The following SMAD6 variants were observed in gnomAD, a reference collection of about 807,000 sequenced individuals.
SMAD6 encodes SMAD family member 6, also known as MAD homolog 6.
SMAD6 carries 103 observed loss-of-function variants against 39.4 expected under a neutral mutation model. The ratio of observed to expected loss-of-function variants is 2.62; its 90% CI spans 2.23 to 3.08. The LOEUF is 3.08. Ranked by LOEUF, SMAD6 falls within the 30% of genes most tolerant of loss-of-function variation. The probability of loss-of-function intolerance (pLI) is 0.00; values close to 1 mark genes in which losing one functional copy is unlikely to be tolerated. For synonymous variants in SMAD6, 445 were observed against 353.3 expected (o/e 1.26, Z -2.91); for missense variants, 1,104 against 742.9 (o/e 1.49, Z -5.65).
At chr15:66,717,297 T>C (rs1361339765) in intron 3 of SMAD6, 2 of 474,188 alleles carry the variant, frequency 4.2e-6, no homozygotes, top group African/African-American at 4.0e-5. Flanking sequence ...TGGATGGCTG[T>C]GTGTCTCCAT....
intron 1 of SMAD6, chr15:66,706,927 A>G (rs1893125415): frequency 6.6e-6 from 1 of 152,210 alleles, no homozygotes; most frequent in Admixed American, 6.5e-5. Context: ...AATCTGCACA[A>G]TCTGAGGGCT....
intron 1 of SMAD6, among the ~76,000 whole-genome samples, chr15:66,709,111 T>C (rs1890959394): frequency 6.6e-6 from 1 of 152,228 alleles, no homozygotes; most frequent in African/African-American, 2.4e-5. Context: ...CTTCTGTCTT[T>C]GACACTCTAA....
At chr15:66,730,798 T>C (rs1893614154) in intron 3 of SMAD6, among the ~76,000 whole-genome samples, 1 of 152,210 alleles carries the variant, frequency 6.6e-6, no homozygotes, top group African/African-American at 2.4e-5. Context: ...ATGAAAAAAC[T>C]GAGGCTCAGA....
intron 3 of SMAD6, among the ~76,000 whole-genome samples, chr15:66,719,227 G>A (rs1893387341): frequency 6.6e-6 from 1 of 152,192 alleles, no homozygotes; most frequent in Non-Finnish European, 1.5e-5. Flanking sequence ...ACACCCTGAG[G>A]GCCCTGCCCA....
At chr15:66,780,103 C>A (rs1353236691) in intron 3 of SMAD6, among the ~76,000 whole-genome samples, 2 of 152,226 alleles carry the variant, frequency 1.3e-5, no homozygotes, top group Non-Finnish European at 2.9e-5. Context: ...AGAGGAGCAG[C>A]ACACACCTTC....
At position 66,703,467 on chromosome 15, in the gene SMAD6, A is replaced by G. The variant is rs1452949211; in HGVS notation, c.209A>G (p.Asp70Gly). The change falls in exon 1 of 4, where the codon GAC becomes GGC. Residue 70 changes from aspartate to glycine, a missense_variant. Transcript: ENST00000288840. ...VRPVAPRRPR[D>G]AVGQRGAQGA... The stretch of plus-strand genomic sequence containing the variant: ...CCGGTAGCCCCGCGGCGGCCCCGGG[A>G]CGCAGTGGGACAGCGAGGCGCCCAG... 8.0e-7 allele frequency: 1 copy of G among 1,248,202 alleles called. No individual in the cohort carries two copies. The highest frequency in any genetic ancestry group is 4.3e-5 in the Admixed American group (1 of 23,396). 77.3% of individuals were successfully genotyped at this position (1,248,202 alleles called of 1,614,324 possible). A position where few individuals can be genotyped will look rare whatever the true frequency, so the allele number is the denominator to read the frequency against.
intron 2 of SMAD6, 57 bp from the exon 3 acceptor site, chr15:66,716,364 A>G (rs929512023): frequency 3.1e-5 from 40 of 1,270,888 alleles, no homozygotes; most frequent in Non-Finnish European, 4.1e-5. Flanking sequence ...GAGAAAGAAG[A>G]AAAAAGAGAG....
In SMAD6 at chr15:66,703,458, G is replaced by A; in HGVS notation, c.200G>A (p.Arg67Gln). 7.9e-7 allele frequency: 1 copy of A among 1,270,922 alleles called. No homozygotes were observed. Among genetic ancestry groups the A allele is most frequent in the African/African-American group, 1.6e-5 (1 of 64,316 alleles). 78.7% of individuals were successfully genotyped at this position (1,270,922 alleles called of 1,614,324 possible). The change falls in exon 1 of 4, where the codon CGG becomes CAG. Residue 67 changes from arginine (R) to glutamine (Q), a missense_variant. By Grantham distance (43) the Arg-to-Gln change is conservative. Coordinates refer to ENST00000288840, the MANE Select transcript of SMAD6 (RefSeq NM_005585.5). ...GAAGTCCGCCCGGTAGCCCCGCGGCGGCCCCGGGACGCAGTGGGACAGCGA... is the reference window on the plus strand; with the variant it reads ...GAAGTCCGCCCGGTAGCCCCGCGGCAGCCCCGGGACGCAGTGGGACAGCGA... ...RSEVRPVAPR[R>Q]PRDAVGQRGA...
chr15:66,717,351 G>T (rs1893349530), intron 3 of SMAD6: 1 of 457,138 alleles, frequency 2.2e-6, no homozygotes, highest in Non-Finnish European at 4.4e-6. Context: ...CATGGTAGCA[G>T]TCGCCAAAAT....
At chr15:66,771,205 T>C (rs1269820461) in intron 3 of SMAD6, among the ~76,000 whole-genome samples, 6 of 152,096 alleles carry the variant, frequency 3.9e-5, no homozygotes, top group Admixed American at 3.9e-4. Context: ...CCCTTGCCCG[T>C]TGGAGTGGTA....
At position 66,781,710 on chromosome 15, in the gene SMAD6, A is replaced by T. The variant is rs1894582638; in HGVS notation, c.*175A>T. 2.4e-6 allele frequency: 1 copy of T among 419,708 alleles called. No homozygotes were observed. Among genetic ancestry groups the T allele is most frequent in the South Asian group, 1.0e-4 (1 of 9,846 alleles). The allele number at this position is 419,708 out of a possible 1,614,324, so 26.0% of individuals were successfully genotyped here. A position where few individuals can be genotyped will look rare whatever the true frequency, so the allele number is the denominator to read the frequency against. On this transcript the variant is annotated 3_prime_UTR_variant, in exon 4 of 4. Coordinates refer to ENST00000288840, the MANE Select transcript of SMAD6 (RefSeq NM_005585.5). Reference sequence around the variant, plus strand: ...TATGGAAATATATATTATACTTGTAATTATGGAGTCATTTTTACAATGTAA... The same window carrying T: ...TATGGAAATATATATTATACTTGTATTTATGGAGTCATTTTTACAATGTAA...
intron 3 of SMAD6, among the ~76,000 whole-genome samples, chr15:66,724,499 G>A (rs1354008728): frequency 6.6e-6 from 1 of 152,160 alleles, no homozygotes; most frequent in African/African-American, 2.4e-5. Context: ...ACTTTTATTA[G>A]CCATATTAAA....
At chr15:66,704,249 C>T (rs538306836) in intron 1 of SMAD6, 174 bp downstream of exon 1, 30 of 417,168 alleles carry the variant, frequency 7.2e-5, no homozygotes, top group African/African-American at 6.0e-4. Context: ...AGTGGGTGTC[C>T]CAGCACACAC....
intron 3 of SMAD6, among the ~76,000 whole-genome samples, chr15:66,744,209 GAAA>G (rs1893867445): frequency 1.3e-5 from 2 of 151,988 alleles, no homozygotes; most frequent in African/African-American, 4.8e-5. Context: ...AGAAAGAGTC[GAAA>G]AAACAAAAAC....
intron 3 of SMAD6, among the ~76,000 whole-genome samples, chr15:66,743,910 C>T (rs1251372399): frequency 6.6e-6 from 1 of 152,098 alleles, no homozygotes; most frequent in African/African-American, 2.4e-5. Context: ...ATTTACTTAA[C>T]CAATCCCCCA....
Position 66,703,521 on chromosome 15 carries a change from G to GCC in SMAD6, c.268_269dup (p.Pro92GlyfsTer34). The GCC allele has an allele frequency of 8.2e-7, 1 of 1,221,132 alleles. No homozygotes were observed. Among genetic ancestry groups the GCC allele is most frequent in the Non-Finnish European group, 1.0e-6 (1 of 978,690 alleles). 75.6% of individuals were successfully genotyped at this position (1,221,132 alleles called of 1,614,324 possible). A position where few individuals can be genotyped will look rare whatever the true frequency, so the allele number is the denominator to read the frequency against. On this transcript the variant is annotated frameshift_variant, in exon 1 of 4. Transcript: ENST00000288840. LOFTEE classifies it high-confidence loss of function. Reference sequence around the variant, plus strand: ...GCGGGGAGGCGCCGGCGCGCAGGGGGCCCCCCGAGGCCCATGTCGGAGCCA... The same window carrying GCC: ...GCGGGGAGGCGCCGGCGCGCAGGGGGCCCCCCCCGAGGCCCATGTCGGAGCCA...
Position 66,703,031 on chromosome 15 carries a change from A to T in SMAD6, c.-228A>T, listed in dbSNP as rs1385102547. On this transcript the variant is annotated 5_prime_UTR_variant, in exon 1 of 4. Transcript: ENST00000288840. Reference sequence around the variant, plus strand: ...CCATGTAGCCGCTGGCCGCGCGCGGACTGCGGCTCGGCGTGCGCGTGTTCC... The same window carrying T: ...CCATGTAGCCGCTGGCCGCGCGCGGTCTGCGGCTCGGCGTGCGCGTGTTCC... 1.3e-5 allele frequency: 5 copies of T among 383,306 alleles called. No individual in the cohort carries two copies. Among genetic ancestry groups the T allele is most frequent in the South Asian group, 1.3e-4 (1 of 7,430 alleles). The allele number at this position is 383,306 out of a possible 1,614,324, so 23.7% of individuals were successfully genotyped here.
intron 3 of SMAD6, among the ~76,000 whole-genome samples, chr15:66,778,996 T>G (rs140853584): frequency 1.9e-3 from 286 of 152,310 alleles, no homozygotes; most frequent in African/African-American, 6.6e-3. Flanking sequence ...GTGGGCAGTG[T>G]GGGTGCTGCA....
chr15:66,754,434 C>T (rs761011817), intron 3 of SMAD6, among the ~76,000 whole-genome samples: 3 of 152,212 alleles, frequency 2.0e-5, no homozygotes, highest in African/African-American at 7.2e-5. Flanking sequence ...ACACTGTTCA[C>T]CCAGGTCCCT....
Sources: allele counts gnomAD v4.1 joint callset (sites outside exome capture counted in the v4.1 genomes callset), GRCh38; gene constraint gnomAD v4.1.1; transcripts MANE v1.5; gene names NCBI Gene and HGNC (gene_info 2026-07-23, HGNC 2026-07-21).